KEAP1: variants seen among roughly 807,000 people sequenced by gnomAD.
The protein encoded by KEAP1 is kelch-like ECH-associated protein 1.
KEAP1 carries 26 observed loss-of-function variants against 59.7 expected under a neutral mutation model. The ratio of observed to expected loss-of-function variants is 0.44; its 90% CI spans 0.32 to 0.60. The LOEUF is 0.60. Among genes scored for constraint, KEAP1 ranks in the 20% least tolerant of loss-of-function variants. The pLI is 0.06. For missense variants in KEAP1, 539 were observed against 871.4 expected, an observed-to-expected ratio of 0.62 and a Z score of 4.80; for synonymous variants, 350 against 358.3, an observed-to-expected ratio of 0.98 and a Z score of 0.26.
intron 5 of KEAP1, 71 bp downstream of exon 5, chr19:10,489,120 AG>A: frequency 2.6e-5 from 24 of 920,538 alleles, no homozygotes; most frequent in South Asian, 1.0e-4. Context: ...AAAAAAAAAA[AG>A]GAAAGCAAAA....
At chr19:10,501,994 T>C (rs532516797) in intron 1 of KEAP1, among the ~76,000 whole-genome samples, 1 of 152,340 alleles carries the variant, frequency 6.6e-6, no homozygotes, top group South Asian at 2.1e-4. Flanking sequence ...GGAACTGAAA[T>C]GACCTCCTTT....
chr19:10,499,415 T>C lies in KEAP1; in HGVS notation c.619A>G (p.Ile207Val). The C allele has an allele frequency of 6.2e-7, 1 of 1,608,444 alleles. No individual in the cohort carries two copies. The highest frequency in any genetic ancestry group is 8.5e-7 in the Non-Finnish European group (1 of 1,177,774). Reference sequence around the variant, plus strand: ...CTCACCTCCCCAAAATGCATGTAGATGTACTCCCGGGCACGCTGGTGCAAC... The same window carrying C: ...CTCACCTCCCCAAAATGCATGTAGACGTACTCCCGGGCACGCTGGTGCAAC... ...VELHQRAREY[I>V]YMHFGEVAKQ... is the part of the protein sequence containing the mutation. The change falls in exon 2 of 6, where the codon ATC (isoleucine) becomes GTC (valine). Residue 207 changes from isoleucine to valine, a missense_variant. By Grantham distance (29) the Ile-to-Val change is conservative. This residue lies in a region of KEAP1 where 166 missense variants were observed against 295.8 expected (regional missense o/e 0.56). Transcript: ENST00000171111. The surrounding 1 kb of genome is among the most constrained non-coding windows in gnomAD (Gnocchi z 6.7).
At chr19:10,500,337 C>T (rs189275590) in intron 1 of KEAP1, among the ~76,000 whole-genome samples, 11 of 152,302 alleles carry the variant, frequency 7.2e-5, no homozygotes, top group African/African-American at 2.4e-4. Context: ...CCTAGTAAAA[C>T]TGAACTCCTC....
Position 10,492,245 on chromosome 19 carries a change from C to T in KEAP1, c.657G>A (p.Glu219=), listed in dbSNP as rs1354352896. The T allele has an allele frequency of 2.5e-6, 4 of 1,610,996 alleles. No homozygotes were observed. The highest frequency in any genetic ancestry group is 3.4e-6 in the Non-Finnish European group (4 of 1,177,710). Reference sequence around the variant, plus strand: ...GTTGGCAGTGGGACAGGTTGAAGAACTCCTCTTGCTTGGCCACCTGCAGAG... The same window carrying T: ...GTTGGCAGTGGGACAGGTTGAAGAATTCCTCTTGCTTGGCCACCTGCAGAG... ...MHFGEVAKQE[E]FFNLSHCQLV... The change falls in exon 3 of 6, where the codon GAG becomes GAA. Residue 219 remains glutamate, a synonymous_variant. Transcript: ENST00000171111.
At position 10,491,491 on chromosome 19, in the gene KEAP1, CCTCAGGAAGAATACCCGGAT is replaced by C. The variant is rs1914664332; in HGVS notation, c.1325+66_1325+85del. 8.3e-7 allele frequency: 1 copy of C among 1,203,086 alleles called. No homozygotes were observed. The highest frequency in any genetic ancestry group is 2.9e-5 in the Admixed American group (1 of 34,476). The allele number at this position is 1,203,086 out of a possible 1,614,324, so 74.5% of individuals were successfully genotyped here. A position where few individuals can be genotyped will look rare whatever the true frequency, so the allele number is the denominator to read the frequency against. On this transcript the variant is annotated intron_variant, in intron 3 of 5. Coordinates refer to ENST00000171111, the MANE Select transcript of KEAP1 (RefSeq NM_203500.2). The surrounding 1 kb of genome is among the most constrained non-coding windows in gnomAD (Gnocchi z 5.2). Reference sequence around the variant, plus strand: ...CCCTGAAGACAGGAAGAGGAAACAGCCTCAGGAAGAATACCCGGATCTCAGTGTCTTGGGACTTGCCAGGA... The same window carrying C: ...CCCTGAAGACAGGAAGAGGAAACAGCCTCAGTGTCTTGGGACTTGCCAGGA...
chr19:10,489,826 G>C lies in KEAP1; in HGVS notation c.1353C>G (p.His451Gln), dbSNP rs2144591192. 6.2e-7 allele frequency: 1 copy of C among 1,614,018 alleles called. No homozygotes were observed. The highest frequency in any genetic ancestry group is 8.5e-7 in the Non-Finnish European group (1 of 1,179,998). Residue 451 changes from histidine (H) to glutamine (Q), a missense_variant, in exon 4 of 6, where the codon CAC becomes CAG. Around this residue, in one of 4 missense-constraint regions of KEAP1, gnomAD observed 311 missense variants for 425.2 expected, o/e 0.73. Coordinates refer to ENST00000171111, the MANE Select transcript of KEAP1 (RefSeq NM_203500.2). ...TTCGTGTCAGCATTGGGGCCACCAAGTGCCACTCATCCCGCTCTGGCTCAT... is the reference window on the plus strand; with the variant it reads ...TTCGTGTCAGCATTGGGGCCACCAACTGCCACTCATCCCGCTCTGGCTCAT... Reference protein sequence around the residue: ...ERYEPERDEWHLVAPMLTRRI... With the variant: ...ERYEPERDEWQLVAPMLTRRI...
Position 10,486,607 on chromosome 19 carries a change from A to T in KEAP1, c.*45T>A, listed in dbSNP as rs2144576758. 1 of 1,560,836 alleles carries T rather than the reference A, an allele frequency of 6.4e-7. No individual in the cohort carries two copies. ...TCCCGGTTTTTGTACAAAAACAATGATACTCCCCATTGGACTGTATTTTTG... is the reference window on the plus strand; with the variant it reads ...TCCCGGTTTTTGTACAAAAACAATGTTACTCCCCATTGGACTGTATTTTTG... On this transcript the variant is annotated 3_prime_UTR_variant, in exon 6 of 6. Coordinates refer to ENST00000171111, the MANE Select transcript of KEAP1 (RefSeq NM_203500.2).
At chr19:10,490,183 C>T (rs1158946423) in intron 3 of KEAP1, among the ~76,000 whole-genome samples, 5 of 150,206 alleles carry the variant, frequency 3.3e-5, no homozygotes, top group African/African-American at 7.3e-5. Flanking sequence ...ACCTGGGAGG[C>T]GGAGGTTGCA....
rs922090694 is a variant in KEAP1 at position 10,500,139 on chromosome 19, G to A, written c.-47-59C>T. On this transcript the variant is annotated intron_variant, in intron 1 of 5. Transcript: ENST00000171111. Reference sequence around the variant, plus strand: ...GGTTGGGACTGGGCCAGCACCTGCCGGGCCTCGTTTTGCAAGATAAAGCAA... The same window carrying A: ...GGTTGGGACTGGGCCAGCACCTGCCAGGCCTCGTTTTGCAAGATAAAGCAA... The A allele has an allele frequency of 4.6e-5, 58 of 1,257,298 alleles. No individual in the cohort carries two copies. The Middle Eastern group carries it at 8.5e-4, about 18-fold the overall frequency. The allele number at this position is 1,257,298 out of a possible 1,614,324, so 77.9% of individuals were successfully genotyped here.
chr19:10,495,664 C>T (rs914242939), intron 2 of KEAP1, among the ~76,000 whole-genome samples: 4 of 151,972 alleles, frequency 2.6e-5, no homozygotes, highest in Non-Finnish European at 2.9e-5. Context: ...TGCCACTGTA[C>T]TCCAGCCTGA....
rs2144578054 is a variant in KEAP1, at chr19:10,486,738, T to C, written c.1789A>G (p.Met597Val). The C allele has an allele frequency of 6.2e-7, 1 of 1,614,074 alleles. No homozygotes were observed. Among genetic ancestry groups the C allele is most frequent in the Non-Finnish European group, 8.5e-7 (1 of 1,180,008 alleles). The change falls in exon 6 of 6, where the codon ATG becomes GTG. Residue 597 changes from methionine (M) to valine (V), a missense_variant. By Grantham distance (21) the Met-to-Val change is conservative (BLOSUM62 1). Transcript: ENST00000171111. ...CCCACCCCACTCCGGCCCGATGTCA[T>C]TCGGGTCACCTCGCTCCAGGTGTCT... is the stretch of plus-strand genomic sequence containing the variant. ...DTDTWSEVTR[M>V]TSGRSGVGVA...
rs1048290 is a variant in KEAP1, at chr19:10,489,766, G to C, written c.1413C>G (p.Leu471=). 639,405 of 1,613,584 alleles carry C rather than the reference G, an allele frequency of 0.4. 132,062 individuals carry two copies. Among genetic ancestry groups the C allele is most frequent in the African/African-American group, 0.7 (52,297 of 74,914 alleles). ...CGTCAAAGCCCCCCACGGCATAAAG[G>C]AGACGATTGAGGACAGCCACGCCCA... ...IGVGVAVLNR[L]LYAVGGFDGT... is the part of the protein sequence containing the mutation. The change falls in exon 4 of 6, where the codon CTC becomes CTG. Residue 471 remains leucine, a synonymous_variant. Coordinates refer to ENST00000171111, the MANE Select transcript of KEAP1 (RefSeq NM_203500.2).
rs538574826 is a variant in KEAP1 at position 10,496,792 on chromosome 19, A to G, written c.639+2603T>C. On this transcript the variant is annotated intron_variant, in intron 2 of 5. Transcript: ENST00000171111. ...ACTTCAGCCTGGGCGATAGAGCCAG[A>G]CTCAGTCTCAAAAACAAAAAAGGAC... Among the ~76,000 whole-genome samples, 6 of 150,834 alleles carry G rather than the reference A, an allele frequency of 4.0e-5. No homozygotes were observed. The South Asian group carries it at 1.3e-3, about 32-fold the overall frequency.
Position 10,499,478 on chromosome 19 carries a change from C to T in KEAP1, c.556G>A (p.Gly186Ser), listed in dbSNP as rs2144625018. Residue 186 changes from glycine to serine, a missense_variant, in exon 2 of 6, where the codon GGC (glycine) becomes AGC (serine). By Grantham distance (56) the Gly-to-Ser change is moderately conservative (BLOSUM62 0). Coordinates refer to ENST00000171111, the MANE Select transcript of KEAP1 (RefSeq NM_203500.2). The surrounding 1 kb of genome is among the most constrained non-coding windows in gnomAD (Gnocchi z 6.7). ...ATCTGCTCAGCGAAGTTGGCGATGCCGATGGCATTGCTGGGGTCCAGCTGC... is the reference window on the plus strand; with the variant it reads ...ATCTGCTCAGCGAAGTTGGCGATGCTGATGGCATTGCTGGGGTCCAGCTGC... ...VQQLDPSNAIGIANFAEQIGC... is the reference protein window; with the variant it reads ...VQQLDPSNAISIANFAEQIGC... The T allele has an allele frequency of 6.2e-7, 1 of 1,614,144 alleles. No homozygotes were observed. Among genetic ancestry groups the T allele is most frequent in the Non-Finnish European group, 8.5e-7 (1 of 1,180,024 alleles).
At chr19:10,490,423 TTCAGCC>T (rs575317397) in intron 3 of KEAP1, 2 of 151,072 alleles carry the variant, frequency 1.3e-5, no homozygotes, top group East Asian at 3.9e-4. Flanking sequence ...CAAGCAGTTA[TTCAGCC>T]TCAGCCTCAC....
intron 5 of KEAP1, among the ~76,000 whole-genome samples, chr19:10,488,651 G>A (rs1053111893): frequency 7.3e-6 from 1 of 137,398 alleles, no homozygotes; most frequent in African/African-American, 2.8e-5. Flanking sequence ...AAACAAAACA[G>A]GCCGGGCGCG....
intron 5 of KEAP1, among the ~76,000 whole-genome samples, chr19:10,487,081 C>T (rs896527327): frequency 6.7e-6 from 1 of 150,174 alleles, no homozygotes. Context: ...TGGTAGCTCA[C>T]GCCTATAATC....
rs1457377196 is a variant in KEAP1, at chr19:10,491,986, C to A, written c.916G>T (p.Glu306Ter). Residue 306 changes from glutamate to a stop codon, truncating the protein, a stop_gained, in exon 3 of 6, where the codon GAG (glutamate) becomes TAG (stop). Transcript: ENST00000171111. LOFTEE classifies it high-confidence loss of function. The surrounding 1 kb of genome is among the most constrained non-coding windows in gnomAD (Gnocchi z 5.2). ...GTGGGCTTGTGCAGGGTGAGCTCCTCGAAGATCTTGACCAGGTAGTCCTTG... is the reference window on the plus strand; with the variant it reads ...GTGGGCTTGTGCAGGGTGAGCTCCTAGAAGATCTTGACCAGGTAGTCCTTG... The part of the protein sequence containing the change: ...RCKDYLVKIF[E>*]ELTLHKPTQV... 1 of 1,614,068 alleles carries A rather than the reference C, an allele frequency of 6.2e-7. No homozygotes were observed. The highest frequency in any genetic ancestry group is 8.5e-7 in the Non-Finnish European group (1 of 1,180,042).
intron 2 of KEAP1, among the ~76,000 whole-genome samples, chr19:10,496,272 G>A (rs1360251476): frequency 6.6e-6 from 1 of 151,762 alleles, no homozygotes; most frequent in Non-Finnish European, 1.5e-5. Flanking sequence ...AAGTCGGGCG[G>A]ATCACTTGAG....
Sources: gnomAD v4.1 joint callset for allele counts (sites outside exome capture counted in the v4.1 genomes callset) on GRCh38, gnomAD v4.1.1 for gene constraint, gnomAD v4.1.1 regional missense constraint, Gnocchi (gnomAD v3.1) non-coding constraint, MANE v1.5 for transcripts, NCBI Gene and HGNC (gene_info 2026-07-23, HGNC 2026-07-21) for gene names.